MYCT1: variants seen among roughly 807,000 people sequenced by gnomAD.
MYCT1 encodes the protein myc target protein 1.
MYCT1 carries 12 observed loss-of-function variants against 15.0 expected under a neutral mutation model. The observed-to-expected ratio is 0.80, with a 90% confidence interval of 0.51 to 1.29. The LOEUF is 1.29. MYCT1 is among the 50% of genes most tolerant of loss of function. The pLI, the probability that MYCT1 is intolerant of heterozygous loss-of-function variation, is 0.00. For synonymous variants in MYCT1, 104 were observed against 102.7 expected (o/e 1.01, Z -0.07); for missense variants, 287 against 279.1 (o/e 1.03, Z -0.20).
At chr6:152,730,231 C>T in the MYCT1 span, among the ~76,000 whole-genome samples, 17 of 152,160 alleles carry the variant, frequency 1.1e-4, no homozygotes, top group Non-Finnish European at 2.1e-4. Context: ...ATGCTAGCAT[C>T]TAATTATGTG....
chr6:152,707,731 A>G (rs1565391634), intron 1 of MYCT1, among the ~76,000 whole-genome samples: 1 of 152,028 alleles, frequency 6.6e-6, no homozygotes, highest in Non-Finnish European at 1.5e-5. Context: ...CAGTTTTCCC[A>G]TTACCTCTTA....
chr6:152,740,350 G>A, the MYCT1 span, among the ~76,000 whole-genome samples: 10 of 151,910 alleles, frequency 6.6e-5, no homozygotes, highest in South Asian at 4.2e-4. Context: ...GTACCAGGCC[G>A]GAAATATTAT....
the MYCT1 span, among the ~76,000 whole-genome samples, chr6:152,743,885 A>G: frequency 6.6e-6 from 1 of 152,250 alleles, no homozygotes; most frequent in African/African-American, 2.4e-5. Context: ...CTACAGATAC[A>G]GGATATTAGA....
the MYCT1 span, among the ~76,000 whole-genome samples, chr6:152,730,867 T>C: frequency 6.6e-5 from 10 of 152,332 alleles, no homozygotes; most frequent in Non-Finnish European, 1.5e-4. Flanking sequence ...TTGAGAAATA[T>C]GTGTCTAAGC....
intron 1 of MYCT1, among the ~76,000 whole-genome samples, chr6:152,706,751 A>G (rs969560349): frequency 1.3e-5 from 2 of 152,088 alleles, no homozygotes; most frequent in Admixed American, 1.3e-4. Flanking sequence ...TTTTTGACTT[A>G]TGGTATTTTC....
the MYCT1 span, among the ~76,000 whole-genome samples, chr6:152,730,937 G>T: frequency 6.6e-6 from 1 of 152,048 alleles, no homozygotes; most frequent in African/African-American, 2.4e-5. Flanking sequence ...GATCTCTTTT[G>T]GGAAAATAGG....
At chr6:152,715,362 A>G (rs1364083944) in intron 1 of MYCT1, among the ~76,000 whole-genome samples, 1 of 152,192 alleles carries the variant, frequency 6.6e-6, no homozygotes, top group African/African-American at 2.4e-5. Context: ...TATTCAGAAT[A>G]TGGCTTGTGC....
At chr6:152,724,888 ATTAT>A (rs1261682132), downstream of MYCT1, among the ~76,000 whole-genome samples, 2 of 151,866 alleles carry the variant, frequency 1.3e-5, no homozygotes, top group African/African-American at 4.8e-5. Context: ...GAATTAGTAA[ATTAT>A]TTATTTAAAA....
the MYCT1 span, among the ~76,000 whole-genome samples, chr6:152,734,947 T>C: frequency 1.3e-5 from 2 of 152,234 alleles, no homozygotes; most frequent in African/African-American, 4.8e-5. Flanking sequence ...AATTTGGAAA[T>C]TTGTTTTTTA....
the MYCT1 span, among the ~76,000 whole-genome samples, chr6:152,733,550 C>T: frequency 6.6e-6 from 1 of 152,220 alleles, no homozygotes; most frequent in Non-Finnish European, 1.5e-5. Flanking sequence ...ACCTAGTGAG[C>T]TCTGAATGAA....
At chr6:152,721,292 T>C (rs966552469) in intron 1 of MYCT1, among the ~76,000 whole-genome samples, 1 of 152,176 alleles carries the variant, frequency 6.6e-6, no homozygotes, top group Non-Finnish European at 1.5e-5. Flanking sequence ...ATCAATGTGA[T>C]TGATGAAAGC....
chr6:152,721,200 G>T (rs940220178), intron 1 of MYCT1, among the ~76,000 whole-genome samples: 1 of 151,908 alleles, frequency 6.6e-6, no homozygotes, highest in Admixed American at 6.6e-5. Context: ...TCAGTCAGCT[G>T]GCCAGATGGT....
At chr6:152,745,053 T>C in the MYCT1 span, among the ~76,000 whole-genome samples, 1 of 152,122 alleles carries the variant, frequency 6.6e-6, no homozygotes, top group Non-Finnish European at 1.5e-5. Flanking sequence ...GGGAGACATG[T>C]GGCCTCCAGG....
the MYCT1 span, among the ~76,000 whole-genome samples, chr6:152,732,117 C>T: frequency 6.6e-6 from 1 of 152,136 alleles, no homozygotes; most frequent in African/African-American, 2.4e-5. Flanking sequence ...AGACAGAATT[C>T]TGACATACAG....
the MYCT1 span, among the ~76,000 whole-genome samples, chr6:152,730,091 T>C: frequency 1.3e-5 from 2 of 152,234 alleles, no homozygotes; most frequent in Non-Finnish European, 2.9e-5. Context: ...AAAACTTGTA[T>C]TTTTCTTTTT....
At chr6:152,726,145 C>A (rs2099725613), downstream of MYCT1, among the ~76,000 whole-genome samples, 1 of 152,076 alleles carries the variant, frequency 6.6e-6, no homozygotes, top group Non-Finnish European at 1.5e-5. Context: ...GCCTGTAATC[C>A]CAGCACTTTG....
chr6:152,738,579 A>G, the MYCT1 span, among the ~76,000 whole-genome samples: 1 of 152,078 alleles, frequency 6.6e-6, no homozygotes, highest in Admixed American at 6.6e-5. Context: ...TAACTTCTTT[A>G]TACCATATTT....
At position 152,712,441 on chromosome 6, in the gene MYCT1, GA is replaced by G. The variant is rs1458362832; in HGVS notation, c.197-9300del. On this transcript the variant is annotated intron_variant, in intron 1 of 1. Coordinates refer to ENST00000367245, the MANE Select transcript of MYCT1 (RefSeq NM_025107.3). ...CTTGTTCAATTCCTGGGAACTCCCT[GA>G]CCCCTTGCGCTTCCCAGGTGAGGCA... 2.8e-5 allele frequency among the ~76,000 whole-genome samples: 2 copies of G among 72,194 alleles called. 1 individual carries two copies. The highest frequency in any genetic ancestry group is 6.6e-5 in the Non-Finnish European group (2 of 30,214). The allele number at this position is 72,194 out of a possible 152,430, so 47.4% of individuals were successfully genotyped here.
At chr6:152,721,234 A>T (rs1049756853) in intron 1 of MYCT1, among the ~76,000 whole-genome samples, 1 of 152,254 alleles carries the variant, frequency 6.6e-6, no homozygotes, top group Non-Finnish European at 1.5e-5. Flanking sequence ...TTCCTGTCTC[A>T]GAAAGAGCAA....
Sources: gnomAD v4.1 joint callset for allele counts (sites outside exome capture counted in the v4.1 genomes callset) on GRCh38, gnomAD v4.1.1 for gene constraint, MANE v1.5 for transcripts, NCBI Gene and HGNC (gene_info 2026-07-23, HGNC 2026-07-21) for gene names.